The following FSTL4 variants were observed in gnomAD, a reference collection of about 807,000 sequenced individuals.
The protein encoded by FSTL4 is follistatin like 4.
A neutral mutation model predicts 78.2 loss-of-function variants in FSTL4; 28 were observed. The ratio of observed to expected loss-of-function variants is 0.36; its 90% CI spans 0.27 to 0.49. FSTL4 has a LOEUF of 0.49. FSTL4 is among the 20% of genes least tolerant of loss of function. The pLI is 0.98. For missense variants in FSTL4, 922 were observed against 1,084.9 expected, an observed-to-expected ratio of 0.85 and a Z score of 2.11; for synonymous variants, 422 against 440.5, an observed-to-expected ratio of 0.96 and a Z score of 0.53.
the FSTL4 span, among the ~76,000 whole-genome samples, chr5:133,625,647 T>A: frequency 1.4e-5 from 2 of 145,044 alleles, no homozygotes; most frequent in African/African-American, 5.1e-5. Flanking sequence ...CTTCCTTAGT[T>A]CTGCTTGCTT....
chr5:133,407,023 G>T (rs1756380344), intron 3 of FSTL4, among the ~76,000 whole-genome samples: 1 of 152,186 alleles, frequency 6.6e-6, no homozygotes, highest in Admixed American at 6.5e-5. Flanking sequence ...CATGCCTGGA[G>T]GATCTAGATG....
At chr5:133,528,883 T>C (rs1272664635) in intron 3 of FSTL4, among the ~76,000 whole-genome samples, 1 of 152,252 alleles carries the variant, frequency 6.6e-6, no homozygotes, top group East Asian at 1.9e-4. Flanking sequence ...AGCTGTTCGC[T>C]ATCTCCAGCC....
chr5:133,608,425 C>T (rs535904443), intron 1 of FSTL4, among the ~76,000 whole-genome samples: 1 of 152,198 alleles, frequency 6.6e-6, no homozygotes, highest in Non-Finnish European at 1.5e-5. Flanking sequence ...ACCTGGCTGC[C>T]GCATAGATAG....
chr5:133,251,618 G>T (rs1752243368), intron 6 of FSTL4, among the ~76,000 whole-genome samples: 1 of 151,974 alleles, frequency 6.6e-6, no homozygotes, highest in South Asian at 2.1e-4. Flanking sequence ...CCGAACTTTA[G>T]TCAGAGAGAT....
the FSTL4 span, among the ~76,000 whole-genome samples, chr5:133,642,213 G>A: frequency 6.6e-6 from 1 of 152,144 alleles, no homozygotes; most frequent in African/African-American, 2.4e-5. Flanking sequence ...ACCTCTTTTG[G>A]CACTTACAAG....
intron 6 of FSTL4, among the ~76,000 whole-genome samples, chr5:133,271,494 A>C (rs1323607885): frequency 6.6e-6 from 1 of 152,154 alleles, no homozygotes; most frequent in Admixed American, 6.5e-5. Flanking sequence ...GACCTGCTTT[A>C]AACTTCTTGC....
At chr5:133,281,216 T>C (rs1168777570) in intron 6 of FSTL4, among the ~76,000 whole-genome samples, 2 of 152,110 alleles carry the variant, frequency 1.3e-5, no homozygotes, top group Non-Finnish European at 2.9e-5. Context: ...ATCCTGGGCC[T>C]GGTATTTGTG....
intron 6 of FSTL4, among the ~76,000 whole-genome samples, chr5:133,297,146 A>G (rs964881073): frequency 7.2e-5 from 11 of 152,252 alleles, no homozygotes; most frequent in Non-Finnish European, 1.6e-4. Context: ...GTGTTACCAA[A>G]AAAACTGATT....
At chr5:133,402,892 C>T (rs370640754) in intron 3 of FSTL4, among the ~76,000 whole-genome samples, 7 of 152,218 alleles carry the variant, frequency 4.6e-5, no homozygotes, top group African/African-American at 7.2e-5. Flanking sequence ...TGGCATTCAG[C>T]GGCCCCTCTG....
the FSTL4 span, among the ~76,000 whole-genome samples, chr5:133,666,155 C>A: frequency 6.6e-6 from 1 of 151,904 alleles, no homozygotes; most frequent in Non-Finnish European, 1.5e-5. Context: ...TGCACACGAA[C>A]CTGCCAAGCT....
At chr5:133,498,971 G>A (rs1175719845) in intron 3 of FSTL4, among the ~76,000 whole-genome samples, 1 of 150,502 alleles carries the variant, frequency 6.6e-6, no homozygotes, top group Admixed American at 6.6e-5. Flanking sequence ...AATCCCAAAG[G>A]CCACCATGTT....
At chr5:133,466,272 G>T (rs1757704678) in intron 3 of FSTL4, among the ~76,000 whole-genome samples, 2 of 152,236 alleles carry the variant, frequency 1.3e-5, no homozygotes, top group Non-Finnish European at 2.9e-5. Context: ...GCCAGGTGCG[G>T]TGGCTCAAGC....
chr5:133,707,836 G>C, the FSTL4 span, among the ~76,000 whole-genome samples: 1 of 152,052 alleles, frequency 6.6e-6, no homozygotes, highest in Admixed American at 6.6e-5. Context: ...TGCCTGCCTG[G>C]AGCCCTTTCT....
the FSTL4 span, among the ~76,000 whole-genome samples, chr5:133,666,668 C>T: frequency 6.6e-6 from 1 of 152,100 alleles, no homozygotes; most frequent in Non-Finnish European, 1.5e-5. Flanking sequence ...CCTGCTCGTG[C>T]GATATAGTTT....
At chr5:133,427,601 G>A (rs753417108) in intron 3 of FSTL4, 3 of 522,684 alleles carry the variant, frequency 5.7e-6, no homozygotes, top group South Asian at 4.3e-5. Context: ...GGAATGGCGG[G>A]GGCGATAGGG....
chr5:133,464,081 A>C lies in FSTL4; in HGVS notation c.161-63095T>G, dbSNP rs146623620. 2.0e-5 allele frequency among the ~76,000 whole-genome samples: 3 copies of C among 152,362 alleles called. No homozygotes were observed. In the East Asian group the frequency reaches 5.8e-4, roughly 29 times the overall value. ...CACTGACATATCACAACTGTGATGG[A>C]TCAACCGTCTCACGTCTCAAGGTGC... On this transcript the variant is annotated intron_variant, in intron 3 of 15. Coordinates refer to ENST00000265342, the MANE Select transcript of FSTL4 (RefSeq NM_015082.2).
chr5:133,807,089 A>T, the FSTL4 span, among the ~76,000 whole-genome samples: 1 of 152,230 alleles, frequency 6.6e-6, no homozygotes, highest in African/African-American at 2.4e-5. Context: ...TCCTTACAAC[A>T]ATAGCACAAT....
chr5:133,318,008 A>G (rs560224762), intron 4 of FSTL4, among the ~76,000 whole-genome samples: 1 of 152,326 alleles, frequency 6.6e-6, no homozygotes, highest in Non-Finnish European at 1.5e-5. Flanking sequence ...AAGCCTGGAC[A>G]GCCCAACCAC....
At chr5:133,797,448 G>C in the FSTL4 span, among the ~76,000 whole-genome samples, 2 of 152,226 alleles carry the variant, frequency 1.3e-5, no homozygotes, top group Non-Finnish European at 2.9e-5. Context: ...CTTAGATGTT[G>C]TTTAAAATTT....
Sources: gnomAD v4.1 joint callset for allele counts (sites outside exome capture counted in the v4.1 genomes callset) on GRCh38, gnomAD v4.1.1 for gene constraint, MANE v1.5 for transcripts, NCBI Gene and HGNC (gene_info 2026-07-23, HGNC 2026-07-21) for gene names.